PDE9A: variants seen among roughly 807,000 people sequenced by gnomAD.
PDE9A encodes the protein high affinity cGMP-specific 3',5'-cyclic phosphodiesterase 9A.
PDE9A carries 60 observed loss-of-function variants against 87.4 expected under a neutral mutation model. That is an observed-to-expected ratio of 0.69 (90% CI 0.56 to 0.85). The LOEUF (loss-of-function observed/expected upper bound fraction) is 0.85, where lower values mean the gene tolerates loss of function less well. PDE9A is among the 40% of genes least tolerant of loss of function. The probability of loss-of-function intolerance (pLI) is 0.00; values close to 1 mark genes in which losing one functional copy is unlikely to be tolerated. For synonymous variants in PDE9A, 272 were observed against 279.4 expected (o/e 0.97, Z 0.27); for missense variants, 665 against 779.0 (o/e 0.85, Z 1.74).
At position 42,658,985 on chromosome 21, in the gene PDE9A, C is replaced by G. The variant is rs150955915; in HGVS notation, c.69+5102C>G. On this transcript the variant is annotated intron_variant, in intron 1 of 19. Transcript: ENST00000291539. ...CTGGGGACGACTCCCCTGTCTCCACCTGAATTGAAGCTGGGCTGTGAAAAG... is the reference window on the plus strand; with the variant it reads ...CTGGGGACGACTCCCCTGTCTCCACGTGAATTGAAGCTGGGCTGTGAAAAG... 2.0e-5 allele frequency among the ~76,000 whole-genome samples: 3 copies of G among 152,196 alleles called. No homozygotes were observed. In the East Asian group the frequency reaches 5.8e-4, roughly 29 times the overall value.
At chr21:42,728,563 A>T (rs1474566468) in intron 4 of PDE9A, among the ~76,000 whole-genome samples, 1 of 152,206 alleles carries the variant, frequency 6.6e-6, no homozygotes, top group Admixed American at 6.5e-5. Flanking sequence ...CTTGATATGC[A>T]ATTATTTTTA....
intron 8 of PDE9A, among the ~76,000 whole-genome samples, chr21:42,744,972 T>G (rs1354913160): frequency 6.6e-6 from 1 of 152,172 alleles, no homozygotes; most frequent in African/African-American, 2.4e-5. Context: ...ATGATGTGGC[T>G]CATGGTTCCC....
chr21:42,701,497 T>C (rs1201148464), intron 4 of PDE9A, among the ~76,000 whole-genome samples: 4 of 151,876 alleles, frequency 2.6e-5, no homozygotes, highest in African/African-American at 9.7e-5. Flanking sequence ...AGTGCAGTGA[T>C]GCGGTCATAG....
At chr21:42,698,142 A>G (rs1194488236) in intron 3 of PDE9A, among the ~76,000 whole-genome samples, 1 of 152,114 alleles carries the variant, frequency 6.6e-6, no homozygotes, top group Non-Finnish European at 1.5e-5. Context: ...GAGACAAAGG[A>G]TTTTAACTGG....
intron 17 of PDE9A, 121 bp downstream of exon 17, chr21:42,769,276 CGTACACAGAT>C (rs1706449823): frequency 2.2e-6 from 2 of 908,782 alleles, no homozygotes; most frequent in African/African-American, 3.3e-5. Context: ...CATGCACACA[CGTACACAGAT>C]ACACACAGAC....
At chr21:42,735,415 A>C (rs1375514951) in intron 7 of PDE9A, among the ~76,000 whole-genome samples, 1 of 152,240 alleles carries the variant, frequency 6.6e-6, no homozygotes, top group African/African-American at 2.4e-5. Flanking sequence ...AAAGCACCAC[A>C]GACTGGGAGG....
Position 42,675,690 on chromosome 21 carries a change from A to G in PDE9A, c.70-10502A>G, listed in dbSNP as rs7276905. Among the ~76,000 whole-genome samples the G allele has an allele frequency of 0.08, 12,251 of 152,224 alleles. 1,614 individuals are homozygous for G. The highest frequency in any genetic ancestry group is 0.28 in the African/African-American group (11,476 of 41,488). ...GATAAGAGGAGAGTCCCATGCAGCC[A>G]TAAGAAAGACAACGGAGAGATCTGT... On this transcript the variant is annotated intron_variant, in intron 1 of 19. Transcript: ENST00000291539. The surrounding 1 kb of genome is among the most constrained non-coding windows in gnomAD (Gnocchi z 4.3).
At chr21:42,707,239 G>C (rs968967618) in intron 4 of PDE9A, among the ~76,000 whole-genome samples, 7 of 152,248 alleles carry the variant, frequency 4.6e-5, no homozygotes, top group Non-Finnish European at 8.8e-5. Flanking sequence ...AAAGTTCACA[G>C]CAGAGGATAC....
chr21:42,732,217 C>T (rs2146724402), intron 6 of PDE9A, 93 bp downstream of exon 6: 1 of 1,266,122 alleles, frequency 7.9e-7, no homozygotes, highest in Non-Finnish European at 1.1e-6. Flanking sequence ...CTGGCCTTGG[C>T]CGGCAAGCGT....
At chr21:42,770,625 C>T in intron 17 of PDE9A, 78 bp from the exon 18 acceptor site, 5 of 1,139,116 alleles carry the variant, frequency 4.4e-6, no homozygotes, top group Non-Finnish European at 6.6e-6. Context: ...CACGGAGCAC[C>T]TGACACCTGT....
chr21:42,737,219 A>G (rs536842202), intron 7 of PDE9A, among the ~76,000 whole-genome samples: 1 of 152,362 alleles, frequency 6.6e-6, no homozygotes, highest in East Asian at 1.9e-4. Context: ...CCAGAGGCAG[A>G]TGCTCCCATC....
At chr21:42,768,789 A>T (rs1384601293) in intron 16 of PDE9A, 29 of 985,310 alleles carry the variant, frequency 2.9e-5, no homozygotes, top group Non-Finnish European at 3.4e-5. Flanking sequence ...CCTGGGATAC[A>T]TCCATCCAAC....
At chr21:42,666,270 C>T (rs2057985676) in intron 1 of PDE9A, among the ~76,000 whole-genome samples, 1 of 152,190 alleles carries the variant, frequency 6.6e-6, no homozygotes, top group East Asian at 1.9e-4. Context: ...TTCTCCTTGT[C>T]GACGAGGATC....
chr21:42,747,553 G>A (rs1271283950), intron 8 of PDE9A, among the ~76,000 whole-genome samples: 2 of 152,260 alleles, frequency 1.3e-5, no homozygotes, highest in Non-Finnish European at 2.9e-5. Context: ...CAGTGGCATC[G>A]GGGTCCGGCA....
chr21:42,679,240 A>G (rs1318161842), intron 1 of PDE9A, among the ~76,000 whole-genome samples: 2 of 152,274 alleles, frequency 1.3e-5, no homozygotes, highest in Middle Eastern at 3.4e-3. Flanking sequence ...TGCTGCTGGC[A>G]TCGAGTCTGT....
At chr21:42,669,267 C>A (rs1186966702) in intron 1 of PDE9A, among the ~76,000 whole-genome samples, 1 of 152,156 alleles carries the variant, frequency 6.6e-6, no homozygotes, top group Non-Finnish European at 1.5e-5. Flanking sequence ...AGATTCCCTT[C>A]CTTGCCTCTT....
At chr21:42,703,900 TC>T (rs1331036664) in intron 4 of PDE9A, among the ~76,000 whole-genome samples, 2 of 152,352 alleles carry the variant, frequency 1.3e-5, no homozygotes, top group East Asian at 3.9e-4. Flanking sequence ...AAGGGGCATT[TC>T]TGCTAAAGGT....
chr21:42,662,418 G>A (rs2057573017), intron 1 of PDE9A, among the ~76,000 whole-genome samples: 2 of 151,968 alleles, frequency 1.3e-5, no homozygotes, highest in South Asian at 4.1e-4. Context: ...CCTTCCGACT[G>A]TTGCAGAGGG....
chr21:42,772,453 T>A lies in PDE9A; in HGVS notation c.1701T>A (p.Thr567=). ...DDAMKELQKK[T]DSLTSGATEK... is the part of the protein sequence containing the mutation. ...CTCTGTTCCAGTTACAGAAGAAGAC[T>A]GACAGCTTGACGTCTGGGGCCACCG... The change falls in exon 19 of 20, where the codon ACT becomes ACA. Residue 567 remains threonine (T), a synonymous_variant. Transcript: ENST00000291539. 1 of 1,609,532 alleles carries A rather than the reference T, an allele frequency of 6.2e-7. No homozygotes were observed. Among genetic ancestry groups the A allele is most frequent in the Non-Finnish European group, 8.5e-7 (1 of 1,178,120 alleles).
Sources: allele counts gnomAD v4.1 joint callset (sites outside exome capture counted in the v4.1 genomes callset), GRCh38; gene constraint gnomAD v4.1.1; non-coding constraint Gnocchi (gnomAD v3.1); transcripts MANE v1.5; gene names NCBI Gene and HGNC (gene_info 2026-07-23, HGNC 2026-07-21).